The following PREX1 variants were observed in gnomAD, a reference collection of about 807,000 sequenced individuals.
PREX1 encodes phosphatidylinositol-3,4,5-trisphosphate dependent Rac exchange factor 1, also known as phosphatidylinositol 3,4,5-trisphosphate-dependent Rac exchanger 1 protein.
Under a neutral mutation model 198.3 loss-of-function variants are expected in PREX1, and 41 were observed. That is an observed-to-expected ratio of 0.21 (90% CI 0.16 to 0.27). The LOEUF (loss-of-function observed/expected upper bound fraction) is 0.27. PREX1 is among the 10% of genes least tolerant of loss of function. PREX1 has a pLI of 1.00. For synonymous variants in PREX1, 843 were observed against 887.2 expected (o/e 0.95, Z 0.89); for missense variants, 1,620 against 2,200.7 (o/e 0.74, Z 5.28).
chr20:48,776,780 C>A (rs991629976), intron 1 of PREX1, among the ~76,000 whole-genome samples: 5 of 152,226 alleles, frequency 3.3e-5, no homozygotes, highest in African/African-American at 1.2e-4. Flanking sequence ...AAAATCAGAA[C>A]AGCAGGCATT....
Position 48,782,865 on chromosome 20 carries a change from G to T in PREX1, c.220-34985C>A, listed in dbSNP as rs540080488. ...AGGGGCATCACAAGGGAGAAGAAGTGAACAGGCGAGTGTCATAGTCTAAGG... is the reference window on the plus strand; with the variant it reads ...AGGGGCATCACAAGGGAGAAGAAGTTAACAGGCGAGTGTCATAGTCTAAGG... On this transcript the variant is annotated intron_variant, in intron 1 of 39. Transcript: ENST00000371941. Among the ~76,000 whole-genome samples, 17 of 152,296 alleles carry T rather than the reference G, an allele frequency of 1.1e-4. No individual in the cohort carries two copies. In the South Asian group the frequency reaches 3.5e-3, roughly 32 times the overall value.
chr20:48,823,202 G>A (rs1325823527), intron 1 of PREX1, among the ~76,000 whole-genome samples: 1 of 152,126 alleles, frequency 6.6e-6, no homozygotes, highest in African/African-American at 2.4e-5. Context: ...TCTGTCCTCA[G>A]CCACGGGGAG....
chr20:48,836,740 C>T, the PREX1 span, among the ~76,000 whole-genome samples: 1 of 152,024 alleles, frequency 6.6e-6, no homozygotes, highest in African/African-American at 2.4e-5. Flanking sequence ...CCTGGCAAAA[C>T]TCCATCTCTA....
intron 1 of PREX1, among the ~76,000 whole-genome samples, chr20:48,769,545 A>G (rs777784333): frequency 3.3e-5 from 5 of 152,006 alleles, no homozygotes; most frequent in Non-Finnish European, 7.4e-5. Context: ...ATGAGCTCAC[A>G]CTCTGTGACC....
chr20:48,834,459 T>C, the PREX1 span, among the ~76,000 whole-genome samples: 4,322 of 152,192 alleles, frequency 0.028, 208 homozygotes, highest in African/African-American at 0.099. Context: ...TGAAAGCTGA[T>C]GGTTTCCTCT....
chr20:48,798,039 G>A (rs1477301170), intron 1 of PREX1, among the ~76,000 whole-genome samples: 1 of 152,190 alleles, frequency 6.6e-6, no homozygotes, highest in Non-Finnish European at 1.5e-5. Flanking sequence ...TTTAAGGGTT[G>A]GGAAGAAGTC....
intron 39 of PREX1, among the ~76,000 whole-genome samples, chr20:48,626,777 A>G (rs1461093414): frequency 6.6e-6 from 1 of 152,266 alleles, no homozygotes; most frequent in Non-Finnish European, 1.5e-5. Context: ...TGAAGGGTCC[A>G]TGGAACTGTG....
intron 14 of PREX1, among the ~76,000 whole-genome samples, chr20:48,674,535 A>G (rs995277120): frequency 3.3e-5 from 5 of 152,246 alleles, no homozygotes; most frequent in Admixed American, 6.5e-5. Context: ...ACAAACCATG[A>G]ATAGATATTC....
rs143295170 is a variant in PREX1, at chr20:48,650,995, C to T, written c.2716G>A (p.Ala906Thr). ...ATGGTCACGATGGCGCTGCTCAGGG[C>T]CATGAGCCGCCTGCAGTTCTCCACG... ...VFVENCRRLM[A>T]LSSAIVTMPH... Residue 906 changes from alanine to threonine, a missense_variant, in exon 23 of 40, where the codon GCC becomes ACC. Ala to Thr is a moderately conservative substitution (Grantham distance 58). Around this residue, in one of 7 missense-constraint regions of PREX1, gnomAD observed 514 missense variants for 611.6 expected, o/e 0.84. Transcript: ENST00000371941. The T allele has an allele frequency of 2.5e-6, 4 of 1,614,180 alleles. No homozygotes were observed. The South Asian group carries it at 4.4e-5, about 18-fold the overall frequency.
intron 1 of PREX1, among the ~76,000 whole-genome samples, chr20:48,806,695 C>CTTTGTATGG (rs2090413338): frequency 6.6e-6 from 1 of 152,210 alleles, no homozygotes; most frequent in South Asian, 2.1e-4. Context: ...ATACCAGCGC[C>CTTTGTATGG]TCTCAGACTT....
intron 5 of PREX1, among the ~76,000 whole-genome samples, chr20:48,723,216 A>G (rs934364019): frequency 6.6e-6 from 1 of 152,194 alleles, no homozygotes; most frequent in Non-Finnish European, 1.5e-5. Context: ...GTGGGAGTTC[A>G]GCTCAAACAA....
intron 1 of PREX1, among the ~76,000 whole-genome samples, chr20:48,816,512 C>T (rs2008603): frequency 0.1 from 15,324 of 152,152 alleles, 986 homozygotes; most frequent in Middle Eastern, 0.21. Flanking sequence ...AAGACGCCTG[C>T]GGGGGATAAA....
intron 6 of PREX1, among the ~76,000 whole-genome samples, chr20:48,707,626 AT>A (rs1568833543): frequency 6.6e-6 from 1 of 152,102 alleles, no homozygotes; most frequent in Non-Finnish European, 1.5e-5. Context: ...TCTGATATGG[AT>A]TTTTTTCATT....
chr20:48,849,155 T>C, the PREX1 span, among the ~76,000 whole-genome samples: 1 of 152,036 alleles, frequency 6.6e-6, no homozygotes, highest in Non-Finnish European at 1.5e-5. Context: ...GAGAAGCATG[T>C]AGAAGAAAAT....
chr20:48,785,157 G>A (rs189843896), intron 1 of PREX1, among the ~76,000 whole-genome samples: 60 of 152,210 alleles, frequency 3.9e-4, no homozygotes, highest in East Asian at 9.6e-4. Flanking sequence ...CAGGTGATTC[G>A]CCTGCCTCAG....
intron 6 of PREX1, among the ~76,000 whole-genome samples, chr20:48,702,333 G>C (rs143879233): frequency 6.6e-6 from 1 of 152,204 alleles, no homozygotes. Flanking sequence ...CAAGGGCAGA[G>C]AGATCCCAAA....
rs2123046859 is a variant in PREX1 at position 48,691,622 on chromosome 20, C to T, written c.1037-526G>A. On this transcript the variant is annotated intron_variant, in intron 8 of 39. Coordinates refer to ENST00000371941, the MANE Select transcript of PREX1 (RefSeq NM_020820.4). This position sits in a 1 kb window ranked among gnomAD's most constrained non-coding sequence, Gnocchi z 5.0. ...GCCAAAGGGGACTGTGGCTCAAAAC[C>T]AAGCAAGAACCCCTGCTCTGGACAA... 6.6e-6 allele frequency among the ~76,000 whole-genome samples: 1 copy of T among 152,312 alleles called. No individual in the cohort carries two copies. Among genetic ancestry groups the T allele is most frequent in the Middle Eastern group, 3.4e-3 (1 of 294 alleles).
At chr20:48,885,605 T>C in the PREX1 span, among the ~76,000 whole-genome samples, 2 of 152,006 alleles carry the variant, frequency 1.3e-5, no homozygotes, top group Non-Finnish European at 2.9e-5. Context: ...CTGTACATCA[T>C]GTTTATAGCA....
the PREX1 span, among the ~76,000 whole-genome samples, chr20:48,873,551 A>G: frequency 2.2e-5 from 3 of 134,818 alleles, no homozygotes; most frequent in Admixed American, 7.4e-5. Flanking sequence ...TCTAGTAAAA[A>G]TACAAAAAAA....
Sources: allele counts gnomAD v4.1 joint callset (sites outside exome capture counted in the v4.1 genomes callset), GRCh38; gene constraint gnomAD v4.1.1; regional missense constraint gnomAD v4.1.1; non-coding constraint Gnocchi (gnomAD v3.1); transcripts MANE v1.5; gene names NCBI Gene and HGNC (gene_info 2026-07-23, HGNC 2026-07-21).